Variants in MYLK4 observed in about 807,000 individuals in gnomAD.
The protein encoded by MYLK4 is myosin light chain kinase family member 4, also known as caMLCK like.
Under a neutral mutation model 48.1 loss-of-function variants are expected in MYLK4, and 46 were observed. The observed-to-expected ratio is 0.96, with a 90% CI of 0.75 to 1.22. MYLK4 has a LOEUF of 1.22. Among genes scored for constraint, MYLK4 ranks in the 50% most tolerant of loss-of-function variants. MYLK4 has a pLI of 0.00. For synonymous variants in MYLK4, 170 were observed against 180.8 expected (o/e 0.94, Z 0.48); for missense variants, 451 against 486.1 (o/e 0.93, Z 0.68).
intron 8 of MYLK4, among the ~76,000 whole-genome samples, chr6:2,679,800 A>G (rs927071230): frequency 6.6e-6 from 1 of 152,242 alleles, no homozygotes; most frequent in African/African-American, 2.4e-5. Context: ...TGTGTCGTTA[A>G]TGTGCTGAAT....
At chr6:2,726,761 C>T (rs993410194) in intron 2 of MYLK4, among the ~76,000 whole-genome samples, 8 of 151,866 alleles carry the variant, frequency 5.3e-5, no homozygotes, top group African/African-American at 1.2e-4. Context: ...TACAGGCGCC[C>T]GCCACCATGC....
rs1423894189 is a variant in MYLK4, at chr6:2,737,986, G to T, written c.159+11150C>A. 2.7e-4 allele frequency among the ~76,000 whole-genome samples: 32 copies of T among 119,462 alleles called. 1 individual carries two copies. Among genetic ancestry groups the T allele is most frequent in the African/African-American group, 7.7e-4 (26 of 33,682 alleles). 78.4% of individuals were successfully genotyped at this position (119,462 alleles called of 152,430 possible). A position where few individuals can be genotyped will look rare whatever the true frequency, so the allele number is the denominator to read the frequency against. ...GGTGGGGTGCCGGGGGCGGGTGGGG[G>T]GGGGGTGGTCAATGTTATTAACCCC... On this transcript the variant is annotated intron_variant, in intron 2 of 12. Coordinates refer to ENST00000274643, the MANE Select transcript of MYLK4 (RefSeq NM_001012418.5).
chr6:2,715,367 A>G (rs564439277), intron 2 of MYLK4, among the ~76,000 whole-genome samples: 272 of 152,220 alleles, frequency 1.8e-3, no homozygotes, highest in African/African-American at 6.3e-3. Flanking sequence ...ACTTAGCATC[A>G]TTGAATTGGA....
intron 2 of MYLK4, among the ~76,000 whole-genome samples, chr6:2,739,920 A>G (rs1004268635): frequency 6.6e-6 from 1 of 152,228 alleles, no homozygotes; most frequent in Non-Finnish European, 1.5e-5. Context: ...TGACCTGCAT[A>G]TACTGTTGTG....
intron 2 of MYLK4, among the ~76,000 whole-genome samples, chr6:2,702,641 A>AT (rs1285338693): frequency 2.0e-5 from 3 of 152,176 alleles, no homozygotes; most frequent in Non-Finnish European, 4.4e-5. Flanking sequence ...AAAGGAATAG[A>AT]TTTTTAACAT....
chr6:2,764,203 C>A, the MYLK4 span, among the ~76,000 whole-genome samples: 1 of 152,170 alleles, frequency 6.6e-6, no homozygotes, highest in Admixed American at 6.5e-5. Flanking sequence ...TAACTTGTTT[C>A]TCTAGCGTTT....
chr6:2,746,819 T>G (rs1342496421), intron 2 of MYLK4, among the ~76,000 whole-genome samples: 1 of 152,112 alleles, frequency 6.6e-6, no homozygotes, highest in African/African-American at 2.4e-5. Context: ...GATGAAGACG[T>G]GTTAATCTAG....
intron 6 of MYLK4, among the ~76,000 whole-genome samples, chr6:2,684,498 G>A (rs969517375): frequency 7.2e-5 from 11 of 152,020 alleles, no homozygotes; most frequent in South Asian, 2.1e-4. Flanking sequence ...AAAACAAAAC[G>A]GAATCACAAT....
chr6:2,759,723 A>G, the MYLK4 span, among the ~76,000 whole-genome samples: 1 of 152,204 alleles, frequency 6.6e-6, no homozygotes, highest in African/African-American at 2.4e-5. Context: ...TCCCCTCATC[A>G]ATGATGTTTT....
rs138132269 is a variant in MYLK4 at position 2,683,387 on chromosome 6, C to CTTTTT, written c.546-230_546-226dup. On this transcript the variant is annotated intron_variant, in intron 6 of 12. Coordinates refer to ENST00000274643, the MANE Select transcript of MYLK4 (RefSeq NM_001012418.5). ...GGAAATCCTCAAGCCAACTCCCCAC[C>CTTTTT]TTTTTGTGTGTGTGTGTGTGTGTGT... is the stretch of plus-strand genomic sequence containing the variant. Among the ~76,000 whole-genome samples, 13 of 86,300 alleles carry CTTTTT rather than the reference C, an allele frequency of 1.5e-4. No homozygotes were observed. The East Asian group carries it at 1.9e-3, about 13-fold the overall frequency. The allele number at this position is 86,300 out of a possible 152,430, so 56.6% of individuals were successfully genotyped here.
At chr6:2,752,960 G>A (rs1388238334), upstream of MYLK4, among the ~76,000 whole-genome samples, 1 of 152,146 alleles carries the variant, frequency 6.6e-6, no homozygotes, top group Non-Finnish European at 1.5e-5. Flanking sequence ...GGTTATACAT[G>A]CATACTCATT....
rs1760646687 is a variant in MYLK4 at position 2,666,212 on chromosome 6, C to T, written c.*1713G>A. The stretch of plus-strand genomic sequence containing the variant: ...ACATTCACGGCATGCTGTAAGGATT[C>T]CTTAAGTGGATCTGAGAGATAATGG... On this transcript the variant is annotated 3_prime_UTR_variant, in exon 13 of 13. Coordinates refer to ENST00000274643, the MANE Select transcript of MYLK4 (RefSeq NM_001012418.5). 6.6e-6 allele frequency: 1 copy of T among 152,126 alleles called. No individual in the cohort carries two copies. Among genetic ancestry groups the T allele is most frequent in the Non-Finnish European group, 1.5e-5 (1 of 68,034 alleles). The allele number at this position is 152,126 out of a possible 1,614,324, so 9.4% of individuals were successfully genotyped here. A position where few individuals can be genotyped will look rare whatever the true frequency, so the allele number is the denominator to read the frequency against.
chr6:2,765,890 G>C, the MYLK4 span: 5 of 1,452,364 alleles, frequency 3.4e-6, no homozygotes, highest in Admixed American at 7.1e-5. Flanking sequence ...GACGGCAGCC[G>C]AGAGCAGCGA....
rs553150172 is a variant in MYLK4, at chr6:2,673,939, A to G, written c.1119+1108T>C. Among the ~76,000 whole-genome samples, 8 of 152,346 alleles carry G rather than the reference A, an allele frequency of 5.3e-5. No homozygotes were observed. In the South Asian group the frequency reaches 1.4e-3, roughly 28 times the overall value. On this transcript the variant is annotated intron_variant, in intron 11 of 12. Coordinates refer to ENST00000274643, the MANE Select transcript of MYLK4 (RefSeq NM_001012418.5). This position sits in a 1 kb window ranked among gnomAD's most constrained non-coding sequence, Gnocchi z 4.2. ...GGGGCTCGAGGGAGAGGAAGGAAGC[A>G]AAGAAGATGTACGGGGGCTGGCTGG...
the MYLK4 span, chr6:2,768,697 C>G: frequency 2.5e-6 from 4 of 1,608,226 alleles, no homozygotes; most frequent in Non-Finnish European, 3.4e-6. Context: ...CTAGACCACT[C>G]TGGCTCACAT....
At chr6:2,766,495 G>A in the MYLK4 span, 1 of 1,449,002 alleles carries the variant, frequency 6.9e-7, no homozygotes, top group South Asian at 1.4e-5. Flanking sequence ...GGCGGTGGAT[G>A]CAGCTGATGG....
At chr6:2,766,365 A>G in the MYLK4 span, 3 of 1,609,922 alleles carry the variant, frequency 1.9e-6, no homozygotes, top group East Asian at 2.2e-5. Flanking sequence ...GCCGTGGGCC[A>G]GGATACCCTG....
chr6:2,692,871 C>A lies in MYLK4; in HGVS notation c.160-12G>T. 1 of 1,610,244 alleles carries A rather than the reference C, an allele frequency of 6.2e-7. No individual in the cohort carries two copies. On this transcript the variant is annotated splice_polypyrimidine_tract_variant and intron_variant, in intron 2 of 12. Transcript: ENST00000274643. Reference sequence around the variant, plus strand: ...CACACCTCCTTCGCCTGTGGAGGCACAATTGAGTAATTGAAGTTACATATC... The same window carrying A: ...CACACCTCCTTCGCCTGTGGAGGCAAAATTGAGTAATTGAAGTTACATATC...
At chr6:2,701,665 G>T (rs1040430190) in intron 2 of MYLK4, among the ~76,000 whole-genome samples, 1 of 152,206 alleles carries the variant, frequency 6.6e-6, no homozygotes, top group African/African-American at 2.4e-5. Flanking sequence ...AATCAGTTAT[G>T]ACTGTCCCCA....
Sources: gnomAD v4.1 joint callset for allele counts (sites outside exome capture counted in the v4.1 genomes callset) on GRCh38, gnomAD v4.1.1 for gene constraint, Gnocchi (gnomAD v3.1) non-coding constraint, MANE v1.5 for transcripts, NCBI Gene and HGNC (gene_info 2026-07-23, HGNC 2026-07-21) for gene names.